Variants in TRERF1 observed in about 807,000 individuals in gnomAD.
TRERF1 encodes transcriptional-regulating factor 1.
A neutral mutation model predicts 122.9 loss-of-function variants in TRERF1; 27 were observed. The ratio of observed to expected loss-of-function variants is 0.22; its 90% CI spans 0.16 to 0.30. TRERF1 has a LOEUF of 0.30. Ranked by LOEUF, TRERF1 falls within the 10% of genes least tolerant of loss-of-function variation. The probability of loss-of-function intolerance (pLI) is 1.00; values close to 1 mark genes in which losing one functional copy is unlikely to be tolerated. For missense variants in TRERF1, 1,248 were observed against 1,560.3 expected (o/e 0.80, Z 3.37); for synonymous variants, 636 against 641.7 (o/e 0.99, Z 0.13).
chr6:42,404,058 C>T (rs1025855997), intron 2 of TRERF1, among the ~76,000 whole-genome samples: 1 of 152,114 alleles, frequency 6.6e-6, no homozygotes, highest in African/African-American at 2.4e-5. Context: ...CCCCACCCCA[C>T]CTGCAAGAGG....
intron 3 of TRERF1, among the ~76,000 whole-genome samples, chr6:42,334,762 T>TC (rs1178626516): frequency 1.3e-5 from 2 of 152,152 alleles, no homozygotes; most frequent in African/African-American, 4.8e-5. Context: ...ACCACAAAGG[T>TC]GAAACAGGGA....
At position 42,256,577 on chromosome 6, in the gene TRERF1, C is replaced by T. The variant is rs1456242756; in HGVS notation, c.2580+151G>A. On this transcript the variant is annotated intron_variant, in intron 12 of 17. Transcript: ENST00000372922. Reference sequence around the variant, plus strand: ...CTACAGACTTTAACATCCTGACCTACCCACCGAGAGAAGGAATAGGGAGGC... The same window carrying T: ...CTACAGACTTTAACATCCTGACCTATCCACCGAGAGAAGGAATAGGGAGGC... The T allele has an allele frequency of 4.8e-6, 3 of 623,864 alleles. No individual in the cohort carries two copies. In the East Asian group the frequency reaches 8.2e-5, roughly 17 times the overall value. 38.6% of individuals were successfully genotyped at this position (623,864 alleles called of 1,614,324 possible).
intron 3 of TRERF1, among the ~76,000 whole-genome samples, chr6:42,320,189 G>C (rs192418974): frequency 7.1e-4 from 108 of 152,046 alleles, no homozygotes; most frequent in Middle Eastern, 6.8e-3. Flanking sequence ...ATGAGCCACC[G>C]CACCCAGCCA....
At chr6:42,249,652 C>T (rs1775409804) in intron 13 of TRERF1, among the ~76,000 whole-genome samples, 1 of 152,316 alleles carries the variant, frequency 6.6e-6, no homozygotes, top group Non-Finnish European at 1.5e-5. Flanking sequence ...GAGTGGGCTG[C>T]ATGTTCTCCC....
intron 4 of TRERF1, among the ~76,000 whole-genome samples, chr6:42,298,241 C>T (rs1372582384): frequency 6.6e-6 from 1 of 151,832 alleles, no homozygotes; most frequent in African/African-American, 2.4e-5. Context: ...CAGCAACCTC[C>T]ACCTCCAGGG....
At chr6:42,299,735 G>A (rs890781989) in intron 4 of TRERF1, among the ~76,000 whole-genome samples, 1 of 152,198 alleles carries the variant, frequency 6.6e-6, no homozygotes, top group African/African-American at 2.4e-5. Context: ...GGAGCCCACG[G>A]AAGTAGTTCA....
chr6:42,337,050 G>T (rs2150653320), intron 3 of TRERF1, among the ~76,000 whole-genome samples: 1 of 152,312 alleles, frequency 6.6e-6, no homozygotes, highest in East Asian at 1.9e-4. Flanking sequence ...TGGGAAGAAA[G>T]GAGGCAGGAA....
At chr6:42,406,339 C>T (rs1390026744) in intron 2 of TRERF1, among the ~76,000 whole-genome samples, 1 of 152,192 alleles carries the variant, frequency 6.6e-6, no homozygotes, top group African/African-American at 2.4e-5. Context: ...TCTCTTCTGC[C>T]CCTCTCCTCA....
chr6:42,376,481 A>G (rs956731305), intron 2 of TRERF1, among the ~76,000 whole-genome samples: 1 of 150,560 alleles, frequency 6.6e-6, no homozygotes, highest in Non-Finnish European at 1.5e-5. Flanking sequence ...CAACACCCAG[A>G]AGGGCAGAGG....
intron 2 of TRERF1, among the ~76,000 whole-genome samples, chr6:42,411,991 T>A (rs921380205): frequency 8.1e-5 from 11 of 135,664 alleles, no homozygotes; most frequent in South Asian, 4.7e-4. Context: ...TGAATTTTTT[T>A]AAAAAATCCT....
At chr6:42,390,502 G>A (rs955395046) in intron 2 of TRERF1, among the ~76,000 whole-genome samples, 1 of 152,140 alleles carries the variant, frequency 6.6e-6, no homozygotes. Context: ...TGTTCTACTC[G>A]CTTCCCCACT....
intron 3 of TRERF1, among the ~76,000 whole-genome samples, chr6:42,345,738 T>C (rs1219947543): frequency 6.6e-6 from 1 of 152,214 alleles, no homozygotes; most frequent in East Asian, 1.9e-4. Context: ...AAACTGGAAG[T>C]CAGGATAACT....
intron 3 of TRERF1, among the ~76,000 whole-genome samples, chr6:42,326,463 T>C (rs1320195107): frequency 1.3e-5 from 2 of 152,146 alleles, no homozygotes; most frequent in Non-Finnish European, 2.9e-5. Flanking sequence ...TGCAACAAAT[T>C]AGACACAGGA....
chr6:42,246,591 G>T, intron 13 of TRERF1, 47 bp from the exon 14 acceptor site: 1 of 1,351,316 alleles, frequency 7.4e-7, no homozygotes, highest in Non-Finnish European at 1.0e-6. Flanking sequence ...AGTTCCCCCT[G>T]CTTTTAGTTG....
chr6:42,347,189 C>T (rs1227145233), intron 3 of TRERF1, among the ~76,000 whole-genome samples: 1 of 152,292 alleles, frequency 6.6e-6, no homozygotes, highest in South Asian at 2.1e-4. Flanking sequence ...GCTCTTGAAG[C>T]CATCTCCATT....
chr6:42,345,405 C>A (rs1768083745), intron 3 of TRERF1, among the ~76,000 whole-genome samples: 1 of 152,142 alleles, frequency 6.6e-6, no homozygotes, highest in African/African-American at 2.4e-5. Flanking sequence ...GACAGCTTAC[C>A]CACCTTCCCA....
intron 3 of TRERF1, among the ~76,000 whole-genome samples, chr6:42,347,489 C>G (rs1768521204): frequency 6.6e-6 from 1 of 152,108 alleles, no homozygotes; most frequent in Admixed American, 6.5e-5. Flanking sequence ...CACATATTTA[C>G]TTTCCTCTTA....
intron 4 of TRERF1, among the ~76,000 whole-genome samples, chr6:42,287,488 G>A (rs1282125276): frequency 3.3e-5 from 5 of 152,122 alleles, no homozygotes; most frequent in Non-Finnish European, 7.4e-5. Flanking sequence ...AAAGGCCTCT[G>A]TCTCAGCAGA....
At chr6:42,258,055 T>G (rs1777085979) in intron 10 of TRERF1, 80 bp downstream of exon 10, 3 of 1,236,996 alleles carry the variant, frequency 2.4e-6, no homozygotes, top group Admixed American at 4.1e-5. Context: ...CTCAGTGTAA[T>G]CCTCTGACTA....
Sources: allele counts gnomAD v4.1 joint callset (sites outside exome capture counted in the v4.1 genomes callset), GRCh38; gene constraint gnomAD v4.1.1; transcripts MANE v1.5; gene names NCBI Gene and HGNC (gene_info 2026-07-23, HGNC 2026-07-21).